GPR107: variants seen among roughly 807,000 people sequenced by gnomAD.
GPR107 encodes the protein G protein-coupled receptor 107, also known as protein GPR107.
In GPR107, 31 loss-of-function variants were observed where a neutral mutation model predicts 75.5. The ratio of observed to expected loss-of-function variants is 0.41; its 90% CI spans 0.31 to 0.55. The LOEUF (loss-of-function observed/expected upper bound fraction) is 0.55, where lower values mean the gene tolerates loss of function less well. Ranked by LOEUF, GPR107 falls within the 20% of genes least tolerant of loss-of-function variation. GPR107 has a pLI of 0.26. For synonymous variants in GPR107, 267 were observed against 251.3 expected (o/e 1.06, Z -0.59); for missense variants, 572 against 665.7 (o/e 0.86, Z 1.55).
intron 16 of GPR107, among the ~76,000 whole-genome samples, chr9:130,127,945 C>T (rs963132073): frequency 1.3e-5 from 2 of 152,190 alleles, no homozygotes; most frequent in African/African-American, 2.4e-5. Flanking sequence ...TCAAGTGATC[C>T]GCCCACCTTG....
At chr9:130,071,456 G>A (rs1401290702) in intron 1 of GPR107, among the ~76,000 whole-genome samples, 1 of 151,954 alleles carries the variant, frequency 6.6e-6, no homozygotes, top group East Asian at 1.9e-4. Context: ...CTAGTTTGAA[G>A]CCCCAGCTTT....
chr9:130,111,345 A>T (rs1214180046), intron 14 of GPR107, among the ~76,000 whole-genome samples: 1 of 152,086 alleles, frequency 6.6e-6, no homozygotes, highest in Non-Finnish European at 1.5e-5. Flanking sequence ...AGCCTGGGCA[A>T]CATGGCAAAA....
At chr9:130,062,420 G>GATGATAATAATA (rs748496680) in intron 1 of GPR107, among the ~76,000 whole-genome samples, 19 of 139,876 alleles carry the variant, frequency 1.4e-4, no homozygotes, top group South Asian at 2.4e-4. Context: ...TCTCGAAAAT[G>GATGATAATAATA]ATAATAATAA....
intron 17 of GPR107, among the ~76,000 whole-genome samples, chr9:130,133,692 C>T (rs1008913126): frequency 4.0e-4 from 61 of 152,288 alleles, no homozygotes; most frequent in African/African-American, 1.4e-3. Context: ...GAGGCATTTT[C>T]GTCTTAGGGG....
At chr9:130,077,567 C>G (rs1315029484) in intron 4 of GPR107, among the ~76,000 whole-genome samples, 189 bp downstream of exon 4, 1 of 152,136 alleles carries the variant, frequency 6.6e-6, no homozygotes, top group Non-Finnish European at 1.5e-5. Flanking sequence ...TACACATGAT[C>G]ACCGCCAAAC....
chr9:130,100,517 G>T (rs528303687), intron 10 of GPR107, 112 bp from the exon 11 acceptor site: 2 of 811,036 alleles, frequency 2.5e-6, no homozygotes, highest in Non-Finnish European at 4.3e-6. Context: ...CAGTGGCAGC[G>T]TCACCAAATG....
chr9:130,107,315 A>G (rs1355617427), intron 13 of GPR107, among the ~76,000 whole-genome samples, 181 bp from the exon 14 acceptor site: 4 of 152,144 alleles, frequency 2.6e-5, no homozygotes, highest in African/African-American at 9.7e-5. Flanking sequence ...ACTTTACCTC[A>G]GACGTGTTGA....
chr9:130,122,743 C>T (rs772821522), intron 14 of GPR107, among the ~76,000 whole-genome samples: 3 of 152,296 alleles, frequency 2.0e-5, no homozygotes, highest in Non-Finnish European at 4.4e-5. Context: ...AGAGATGAGG[C>T]CAGACGCAGT....
At chr9:130,107,666 G>A in intron 14 of GPR107, 127 bp downstream of exon 14, 3 of 752,674 alleles carry the variant, frequency 4.0e-6, no homozygotes, top group South Asian at 2.8e-5. Context: ...AGCTAGGGGA[G>A]GCCTGGGGCC....
chr9:130,116,491 G>A (rs1309849223), intron 14 of GPR107, among the ~76,000 whole-genome samples: 1 of 152,234 alleles, frequency 6.6e-6, no homozygotes, highest in Non-Finnish European at 1.5e-5. Context: ...GTGACTGTGT[G>A]CAGTGGACAG....
chr9:130,086,296 G>C, intron 6 of GPR107, 124 bp from the exon 7 acceptor site: 1 of 662,508 alleles, frequency 1.5e-6, no homozygotes, highest in Non-Finnish European at 2.7e-6. Flanking sequence ...TTTTCAGAGA[G>C]CTTTTTTGAA....
intron 17 of GPR107, among the ~76,000 whole-genome samples, chr9:130,133,523 C>T (rs1191692152): frequency 6.6e-6 from 1 of 152,144 alleles, no homozygotes; most frequent in African/African-American, 2.4e-5. Context: ...GCTTCTCTGG[C>T]TCATGCAAAG....
At position 130,079,763 on chromosome 9, in the gene GPR107, A is replaced by C. The variant is rs765581698; in HGVS notation, c.520A>C (p.Thr174Pro). 6.2e-7 allele frequency: 1 copy of C among 1,609,052 alleles called. No individual in the cohort carries two copies. Among genetic ancestry groups the C allele is most frequent in the Non-Finnish European group, 8.5e-7 (1 of 1,177,370 alleles). The change falls in exon 5 of 18, where the codon ACA (threonine) becomes CCA (proline). Residue 174 changes from threonine to proline, a missense_variant. Physicochemically the swap from Thr to Pro is conservative, Grantham distance 38. Transcript: ENST00000347136. ...PASAGNQTQKTQDGGKSKRST... is the reference protein window; with the variant it reads ...PASAGNQTQKPQDGGKSKRST... Reference sequence around the variant, plus strand: ...TTCAGCAGGCAACCAGACCCAGAAGACACAAGGTAAACCGTAAGGTGGAAA... The same window carrying C: ...TTCAGCAGGCAACCAGACCCAGAAGCCACAAGGTAAACCGTAAGGTGGAAA...
In GPR107 at chr9:130,125,635, T is replaced by C. The variant is rs9694977; in HGVS notation, c.1356+671T>C. Among the ~76,000 whole-genome samples the C allele has an allele frequency of 8.2e-4, 119 of 145,824 alleles. 1 individual carries two copies. The highest frequency in any genetic ancestry group is 2.7e-3 in the African/African-American group (107 of 39,578). On this transcript the variant is annotated intron_variant, in intron 15 of 17. Coordinates refer to ENST00000347136, the MANE Select transcript of GPR107 (RefSeq NM_020960.5). Reference sequence around the variant, plus strand: ...TTTTTTTTTTGAGACGGAGTCTCGCTCTGTCGCCCAGGCTGGAGTGCAGTA... The same window carrying C: ...TTTTTTTTTTGAGACGGAGTCTCGCCCTGTCGCCCAGGCTGGAGTGCAGTA...
At chr9:130,061,022 C>G (rs1257568714) in intron 1 of GPR107, among the ~76,000 whole-genome samples, 1 of 152,176 alleles carries the variant, frequency 6.6e-6, no homozygotes, top group African/African-American at 2.4e-5. Context: ...TTAAAATCTG[C>G]CAATATACAT....
chr9:130,095,820 C>T lies in GPR107; in HGVS notation c.863+3439C>T, dbSNP rs549373853. 1.1e-4 allele frequency among the ~76,000 whole-genome samples: 16 copies of T among 152,204 alleles called. 1 individual carries two copies. Among genetic ancestry groups the T allele is most frequent in the Admixed American group, 7.2e-4 (11 of 15,274 alleles). On this transcript the variant is annotated intron_variant, in intron 9 of 17. Transcript: ENST00000347136. ...CAGTTAAGTCCTGCCCATGTTTTCC[C>T]GGGAGTCTTAGAGTCAGTTCTGGTA...
intron 14 of GPR107, among the ~76,000 whole-genome samples, chr9:130,109,915 A>C (rs1831253984): frequency 6.6e-6 from 1 of 151,958 alleles, no homozygotes; most frequent in Non-Finnish European, 1.5e-5. Context: ...ATTTAACTTT[A>C]TTATCTTATA....
chr9:130,088,219 T>C (rs1830659125), intron 7 of GPR107, among the ~76,000 whole-genome samples: 1 of 152,176 alleles, frequency 6.6e-6, no homozygotes, highest in African/African-American at 2.4e-5. Flanking sequence ...CAGCTCCTGT[T>C]GTTCACACTC....
intron 9 of GPR107, among the ~76,000 whole-genome samples, chr9:130,094,524 G>A (rs1564671994): frequency 6.6e-6 from 1 of 152,112 alleles, no homozygotes; most frequent in South Asian, 2.1e-4. Context: ...AGTGAACTAT[G>A]TTTGTGCCAC....
Sources: allele counts gnomAD v4.1 joint callset (sites outside exome capture counted in the v4.1 genomes callset), GRCh38; gene constraint gnomAD v4.1.1; transcripts MANE v1.5; gene names NCBI Gene and HGNC (gene_info 2026-07-23, HGNC 2026-07-21).